The following STXBP6 variants were observed in gnomAD, a reference collection of about 807,000 sequenced individuals.
The protein encoded by STXBP6 is syntaxin binding protein 6, also known as syntaxin-binding protein 6.
A neutral mutation model predicts 26.9 loss-of-function variants in STXBP6; 21 were observed. That is an observed-to-expected ratio of 0.78 (90% confidence interval 0.55 to 1.12). The LOEUF (loss-of-function observed/expected upper bound fraction) is 1.12. Among genes scored for constraint, STXBP6 ranks in the 50% most tolerant of loss-of-function variants. The pLI, the probability that STXBP6 is intolerant of heterozygous loss-of-function variation, is 0.00. For synonymous variants in STXBP6, 97 were observed against 92.6 expected (o/e 1.05, Z -0.27); for missense variants, 232 against 257.9 (o/e 0.90, Z 0.69).
At chr14:24,896,473 C>T (rs1167664655) in intron 2 of STXBP6, among the ~76,000 whole-genome samples, 1 of 152,136 alleles carries the variant, frequency 6.6e-6, no homozygotes, top group Non-Finnish European at 1.5e-5. Flanking sequence ...CTCAAACCTA[C>T]TGAAAATGAG....
At chr14:24,937,701 T>C (rs2072652650) in intron 2 of STXBP6, among the ~76,000 whole-genome samples, 1 of 152,238 alleles carries the variant, frequency 6.6e-6, no homozygotes, top group African/African-American at 2.4e-5. Flanking sequence ...TTTAAACATG[T>C]ATATACAGCA....
At chr14:24,904,655 T>C (rs1456793139) in intron 2 of STXBP6, among the ~76,000 whole-genome samples, 2 of 152,008 alleles carry the variant, frequency 1.3e-5, no homozygotes, top group African/African-American at 4.8e-5. Context: ...GAGGGAAAGA[T>C]ACCAGGAGTG....
intron 1 of STXBP6, among the ~76,000 whole-genome samples, chr14:25,028,723 C>T (rs753619034): frequency 2.2e-4 from 33 of 152,058 alleles, no homozygotes; most frequent in African/African-American, 1.2e-4. Flanking sequence ...GTGATTCCTC[C>T]GATGTATCTG....
intron 2 of STXBP6, among the ~76,000 whole-genome samples, chr14:24,959,297 G>A (rs954883003): frequency 1.3e-5 from 2 of 152,162 alleles, no homozygotes; most frequent in African/African-American, 4.8e-5. Flanking sequence ...TTAGAGTGAA[G>A]GAACAGTGGC....
At chr14:24,949,952 T>C (rs1434326731) in intron 2 of STXBP6, among the ~76,000 whole-genome samples, 3 of 152,214 alleles carry the variant, frequency 2.0e-5, no homozygotes, top group Non-Finnish European at 4.4e-5. Flanking sequence ...CTTTCCCTTT[T>C]TCTTTCCATA....
At chr14:25,007,440 G>C (rs929581937) in intron 1 of STXBP6, among the ~76,000 whole-genome samples, 2 of 152,122 alleles carry the variant, frequency 1.3e-5, no homozygotes, top group African/African-American at 4.8e-5. Flanking sequence ...TCATGCCTGT[G>C]GGTACAATCA....
At chr14:24,850,932 T>C (rs908104531) in intron 4 of STXBP6, among the ~76,000 whole-genome samples, 2 of 152,122 alleles carry the variant, frequency 1.3e-5, no homozygotes, top group African/African-American at 4.8e-5. Flanking sequence ...TTGCAAATAA[T>C]TTATACCTCT....
chr14:24,985,558 C>T (rs1159161591), intron 1 of STXBP6, among the ~76,000 whole-genome samples: 1 of 152,206 alleles, frequency 6.6e-6, no homozygotes, highest in Non-Finnish European at 1.5e-5. Flanking sequence ...CTTCCTGTTC[C>T]CACTTTTTCT....
intron 1 of STXBP6, among the ~76,000 whole-genome samples, chr14:25,024,251 G>C (rs955722699): frequency 3.3e-5 from 5 of 152,048 alleles, no homozygotes; most frequent in African/African-American, 1.2e-4. Context: ...GGAGGTTGCA[G>C]TGAGCCGAGA....
At chr14:25,021,783 C>G (rs1351301776) in intron 1 of STXBP6, among the ~76,000 whole-genome samples, 1 of 152,196 alleles carries the variant, frequency 6.6e-6, no homozygotes. Flanking sequence ...CCCCCTTTCT[C>G]TTTTCATTCT....
rs77596298 is a variant in STXBP6 at position 24,964,131 on chromosome 14, A to C, written c.154+10534T>G. 7.1e-4 allele frequency among the ~76,000 whole-genome samples: 108 copies of C among 152,232 alleles called. 1 individual carries two copies. In the East Asian group the frequency reaches 0.02, roughly 29 times the overall value. ...GGATTATGCCCAATTCCCCCCACCC[A>C]GACACTTCATTTGTTCCACAAGGAT... On this transcript the variant is annotated intron_variant, in intron 2 of 5. Coordinates refer to ENST00000323944, the MANE Select transcript of STXBP6 (RefSeq NM_001394410.1).
At chr14:24,975,083 C>A (rs1252272315) in intron 1 of STXBP6, among the ~76,000 whole-genome samples, 1 of 152,064 alleles carries the variant, frequency 6.6e-6, no homozygotes, top group African/African-American at 2.4e-5. Context: ...AAATGTCAAA[C>A]ACAATATGAG....
intron 5 of STXBP6, chr14:24,818,043 A>C: frequency 2.2e-6 from 1 of 456,668 alleles, no homozygotes; most frequent in Non-Finnish European, 4.4e-6. Context: ...TAGGTTATCC[A>C]TCCTTGTTTC....
chr14:24,832,583 C>G (rs981241914), intron 4 of STXBP6, among the ~76,000 whole-genome samples: 4 of 152,162 alleles, frequency 2.6e-5, no homozygotes, highest in African/African-American at 7.2e-5. Context: ...TGTTTGGTTA[C>G]TAATGAATTC....
At chr14:24,822,080 GTT>G (rs1191323717) in intron 4 of STXBP6, among the ~76,000 whole-genome samples, 1 of 152,006 alleles carries the variant, frequency 6.6e-6, no homozygotes. Flanking sequence ...AGGCCCATAG[GTT>G]TTCTTATGGA....
chr14:24,954,578 T>TGA (rs1201203253), intron 2 of STXBP6, among the ~76,000 whole-genome samples: 2 of 152,132 alleles, frequency 1.3e-5, no homozygotes, highest in South Asian at 4.1e-4. Context: ...AAGATCTGCG[T>TGA]GAGAGCTGCC....
At chr14:25,011,457 T>C (rs60338716) in intron 1 of STXBP6, among the ~76,000 whole-genome samples, 3,777 of 152,254 alleles carry the variant, frequency 0.025, 151 homozygotes, top group African/African-American at 0.083. Context: ...TTTCTCATGA[T>C]AGAAACTCTT....
intron 2 of STXBP6, among the ~76,000 whole-genome samples, chr14:24,942,969 C>T (rs1797142399): frequency 6.6e-6 from 1 of 152,178 alleles, no homozygotes; most frequent in Admixed American, 6.5e-5. Flanking sequence ...AGTGAAAATT[C>T]AGTTTCACCT....
intron 2 of STXBP6, among the ~76,000 whole-genome samples, chr14:24,948,351 A>T (rs1413705318): frequency 1.7e-5 from 1 of 60,114 alleles, no homozygotes; most frequent in Non-Finnish European, 3.6e-5. Flanking sequence ...GACACTTTTC[A>T]CCTGCCTAAG....
Sources: allele counts gnomAD v4.1 joint callset (sites outside exome capture counted in the v4.1 genomes callset), GRCh38; gene constraint gnomAD v4.1.1; transcripts MANE v1.5; gene names NCBI Gene and HGNC (gene_info 2026-07-23, HGNC 2026-07-21).